ARHGAP17: variants seen among roughly 807,000 people sequenced by gnomAD.
ARHGAP17 encodes Rho GTPase activating protein 17, also known as rho GTPase-activating protein 17.
In ARHGAP17, 57 loss-of-function variants were observed where a neutral mutation model predicts 99.5. That is an observed-to-expected ratio of 0.57 (90% CI 0.46 to 0.71). ARHGAP17 has a LOEUF of 0.71. Ranked by LOEUF, ARHGAP17 falls within the 30% of genes least tolerant of loss-of-function variation. ARHGAP17 has a pLI of 0.00. For missense variants in ARHGAP17, 1,000 were observed against 1,122.4 expected (o/e 0.89, Z 1.56); for synonymous variants, 417 against 429.6 (o/e 0.97, Z 0.36).
intron 1 of ARHGAP17, among the ~76,000 whole-genome samples, chr16:25,013,529 G>T (rs1181075664): frequency 6.6e-6 from 1 of 152,078 alleles, no homozygotes; most frequent in African/African-American, 2.4e-5. Flanking sequence ...GCTGAGGCGA[G>T]AGGGTCGCTT....
intron 1 of ARHGAP17, among the ~76,000 whole-genome samples, chr16:24,982,994 A>ATTTTTTTTT (rs2052739702): frequency 5.8e-5 from 1 of 17,386 alleles, no homozygotes; most frequent in African/African-American, 1.6e-4. Flanking sequence ...ATATATATAT[A>ATTTTTTTTT]TATTTTTTTT....
chr16:25,006,449 C>CA (rs1032093076), intron 1 of ARHGAP17, among the ~76,000 whole-genome samples: 9,355 of 74,150 alleles, frequency 0.13, 799 homozygotes, highest in African/African-American at 0.31. Context: ...GACTCCGTCT[C>CA]AAAAAAAAAA....
intron 1 of ARHGAP17, chr16:25,013,724 A>G (rs2053705420): frequency 6.6e-6 from 1 of 152,230 alleles, no homozygotes; most frequent in Non-Finnish European, 1.5e-5. Context: ...TTTGTATAAA[A>G]AGAGTGAAAG....
At chr16:24,963,235 T>C (rs748559236) in intron 7 of ARHGAP17, among the ~76,000 whole-genome samples, 1 of 152,248 alleles carries the variant, frequency 6.6e-6, no homozygotes, top group Non-Finnish European at 1.5e-5. Flanking sequence ...TATCATCTTT[T>C]AAACATAAAA....
chr16:24,991,419 T>C (rs9926676), intron 1 of ARHGAP17, among the ~76,000 whole-genome samples: 67,892 of 152,046 alleles, frequency 0.45, 15,683 homozygotes, highest in African/African-American at 0.56. Context: ...CCTTTCCAAA[T>C]TTATCAAGCT....
In ARHGAP17 at chr16:24,920,118, A is replaced by G. The variant is rs538224277; in HGVS notation, c.*12T>C. On this transcript the variant is annotated 3_prime_UTR_variant, in exon 20 of 20. Transcript: ENST00000289968. ...AGGGTGGAAGTGGTGGAGGGCTGGG[A>G]AAGGGCTTTCTTCACAGGGCAGTGC... 5.0e-5 allele frequency: 81 copies of G among 1,610,812 alleles called. No homozygotes were observed. In the African/African-American group the frequency reaches 6.7e-4, roughly 13 times the overall value.
At chr16:24,934,997 G>A (rs1009110006) in intron 18 of ARHGAP17, among the ~76,000 whole-genome samples, 3 of 152,138 alleles carry the variant, frequency 2.0e-5, no homozygotes, top group South Asian at 2.1e-4. Context: ...ACCAAGAGAC[G>A]ACATGATCTG....
chr16:24,976,739 T>C (rs970330051), intron 3 of ARHGAP17, among the ~76,000 whole-genome samples: 2 of 152,180 alleles, frequency 1.3e-5, no homozygotes, highest in African/African-American at 4.8e-5. Flanking sequence ...TGAGGATGCC[T>C]GTCTAGGGAC....
chr16:25,014,291 C>A (rs1446106634), intron 1 of ARHGAP17, among the ~76,000 whole-genome samples: 1 of 152,192 alleles, frequency 6.6e-6, no homozygotes, highest in Non-Finnish European at 1.5e-5. Flanking sequence ...TAAATCGGTA[C>A]AGTACAGCCA....
At chr16:24,996,114 TG>T (rs921213538) in intron 1 of ARHGAP17, among the ~76,000 whole-genome samples, 25 of 151,720 alleles carry the variant, frequency 1.6e-4, no homozygotes, top group Admixed American at 1.1e-3. Flanking sequence ...TTTATTTTTT[TG>T]GGGGGGGAGG....
At chr16:25,000,631 C>A (rs995235260) in intron 1 of ARHGAP17, among the ~76,000 whole-genome samples, 9 of 152,214 alleles carry the variant, frequency 5.9e-5, no homozygotes, top group African/African-American at 2.2e-4. Flanking sequence ...TTCCTAAAGA[C>A]TGCCCTGAGA....
rs1175807409 is a variant in ARHGAP17 at position 24,929,298 on chromosome 16, T to G, written c.2515+1486A>C. ...CTCTTGCCTCAGCCACTCAAAGTAC[T>G]GGGATTAGAGGCACGAGCCACTGTG... On this transcript the variant is annotated intron_variant, in intron 19 of 19. Transcript: ENST00000289968. Among the ~76,000 whole-genome samples, 6 of 151,944 alleles carry G rather than the reference T, an allele frequency of 3.9e-5. No individual in the cohort carries two copies. The East Asian group carries it at 1.2e-3, about 29-fold the overall frequency.
chr16:24,948,660 G>A (rs899294967), intron 13 of ARHGAP17, among the ~76,000 whole-genome samples: 1 of 151,978 alleles, frequency 6.6e-6, no homozygotes, highest in African/African-American at 2.4e-5. Flanking sequence ...GCAGTATGTA[G>A]CTTAGCTTAG....
intron 14 of ARHGAP17, among the ~76,000 whole-genome samples, chr16:24,946,119 C>T (rs546691422): frequency 2.0e-3 from 305 of 152,228 alleles, no homozygotes; most frequent in African/African-American, 6.9e-3. Flanking sequence ...GATCCCCCGA[C>T]CCCTCCTCTA....
intron 15 of ARHGAP17, among the ~76,000 whole-genome samples, chr16:24,943,032 A>G (rs115370267): frequency 0.016 from 2,461 of 152,080 alleles, 77 homozygotes; most frequent in African/African-American, 0.056. Flanking sequence ...TGGGGCTTGC[A>G]CCCCACGGGA....
rs139718724 is a variant in ARHGAP17 at position 24,929,948 on chromosome 16, T to G, written c.2515+836A>C. On this transcript the variant is annotated intron_variant, in intron 19 of 19. Transcript: ENST00000289968. ...TGCCTCCACTTAGAACAATTTAAAC[T>G]AGGCTGCTGTAAGAAATTATTTGAG... is the stretch of plus-strand genomic sequence containing the variant. Among the ~76,000 whole-genome samples the G allele has an allele frequency of 3.0e-3, 452 of 152,280 alleles. 2 individuals carry two copies. Among genetic ancestry groups the G allele is most frequent in the African/African-American group, 0.011 (437 of 41,544 alleles).
chr16:24,973,920 G>C (rs887246469), intron 3 of ARHGAP17, among the ~76,000 whole-genome samples: 9 of 152,342 alleles, frequency 5.9e-5, no homozygotes, highest in African/African-American at 2.2e-4. Context: ...TTGGGGACTG[G>C]TGAGTGTTAT....
chr16:24,965,012 A>AG, intron 6 of ARHGAP17, among the ~76,000 whole-genome samples: 1 of 152,324 alleles, frequency 6.6e-6, no homozygotes, highest in South Asian at 2.1e-4. Flanking sequence ...AGAAAAAAAA[A>AG]GAAACTATAG....
chr16:24,963,242 A>G (rs2052067103), intron 7 of ARHGAP17, among the ~76,000 whole-genome samples: 1 of 152,264 alleles, frequency 6.6e-6, no homozygotes, highest in Admixed American at 6.5e-5. Context: ...TTTTAAACAT[A>G]AAAACTTTTT....
Sources: gnomAD v4.1 joint callset for allele counts (sites outside exome capture counted in the v4.1 genomes callset) on GRCh38, gnomAD v4.1.1 for gene constraint, MANE v1.5 for transcripts, NCBI Gene and HGNC (gene_info 2026-07-23, HGNC 2026-07-21) for gene names.